Variants in MUSK observed in about 807,000 individuals in gnomAD.
MUSK encodes the protein muscle, skeletal receptor tyrosine-protein kinase.
MUSK carries 55 observed loss-of-function variants against 88.7 expected under a neutral mutation model. The ratio of observed to expected loss-of-function variants is 0.62; its 90% CI spans 0.50 to 0.78. The LOEUF (loss-of-function observed/expected upper bound fraction) is 0.78. MUSK is among the 30% of genes least tolerant of loss of function. The pLI, the probability that MUSK is intolerant of heterozygous loss-of-function variation, is 0.00. For synonymous variants in MUSK, 387 were observed against 391.9 expected (o/e 0.99, Z 0.15); for missense variants, 1,015 against 1,074.3 (o/e 0.94, Z 0.77).
intron 5 of MUSK, among the ~76,000 whole-genome samples, chr9:110,701,454 C>CTTTCT (rs1371783161): frequency 6.6e-6 from 1 of 151,890 alleles, no homozygotes; most frequent in Non-Finnish European, 1.5e-5. Flanking sequence ...TATAATTTCT[C>CTTTCT]TTTCTTTTCT....
intron 5 of MUSK, among the ~76,000 whole-genome samples, chr9:110,711,715 CATT>C (rs764969048): frequency 3.9e-5 from 6 of 152,144 alleles, no homozygotes; most frequent in African/African-American, 1.2e-4. Context: ...ATATGGTTAA[CATT>C]GTTGATGCAC....
At chr9:110,693,272 CCTT>C (rs956727676) in intron 3 of MUSK, among the ~76,000 whole-genome samples, 12 of 152,106 alleles carry the variant, frequency 7.9e-5, no homozygotes, top group African/African-American at 2.9e-4. Flanking sequence ...TCTTTTCTTG[CCTT>C]CTTTTTTCCA....
chr9:110,700,695 A>G (rs1466093923), intron 5 of MUSK, among the ~76,000 whole-genome samples: 2 of 152,216 alleles, frequency 1.3e-5, no homozygotes, highest in Non-Finnish European at 2.9e-5. Flanking sequence ...AAAAATTTGA[A>G]CATACATAAG....
rs2078093837 is a variant in MUSK at position 110,801,199 on chromosome 9, A to G, written c.*211A>G. 2 of 448,712 alleles carry G rather than the reference A, an allele frequency of 4.5e-6. No homozygotes were observed. The highest frequency in any genetic ancestry group is 7.6e-5 in the Admixed American group (2 of 26,266). 27.8% of individuals were successfully genotyped at this position (448,712 alleles called of 1,614,324 possible). On this transcript the variant is annotated 3_prime_UTR_variant, in exon 15 of 15. Coordinates refer to ENST00000374448, the MANE Select transcript of MUSK (RefSeq NM_005592.4). ...AAGCCAGTGATTGGAAACACAGGCTAGGAAATGTGTCAGATAATGGAGACA... is the reference window on the plus strand; with the variant it reads ...AAGCCAGTGATTGGAAACACAGGCTGGGAAATGTGTCAGATAATGGAGACA...
At chr9:110,682,410 C>A (rs953999735) in intron 1 of MUSK, among the ~76,000 whole-genome samples, 5 of 151,666 alleles carry the variant, frequency 3.3e-5, no homozygotes, top group Non-Finnish European at 7.4e-5. Context: ...CAAACTTGGG[C>A]CCCATAAAAC....
chr9:110,757,476 A>AAAAG (rs1253284775), intron 7 of MUSK, among the ~76,000 whole-genome samples: 91 of 151,904 alleles, frequency 6.0e-4, no homozygotes, highest in African/African-American at 2.1e-3. Context: ...AAAAAAAAGA[A>AAAAG]AAAGAAAGAA....
At chr9:110,686,441 A>T (rs988159941) in intron 2 of MUSK, among the ~76,000 whole-genome samples, 4 of 152,194 alleles carry the variant, frequency 2.6e-5, no homozygotes, top group African/African-American at 9.7e-5. Flanking sequence ...CGCATTTGGC[A>T]TAAAAAAACT....
chr9:110,739,809 G>A (rs1489204420), intron 6 of MUSK, among the ~76,000 whole-genome samples: 1 of 152,140 alleles, frequency 6.6e-6, no homozygotes, highest in Non-Finnish European at 1.5e-5. Flanking sequence ...CCTTTGGGTG[G>A]ATTGAGAATG....
intron 7 of MUSK, among the ~76,000 whole-genome samples, chr9:110,757,047 A>G (rs974248811): frequency 9.2e-5 from 14 of 152,194 alleles, no homozygotes; most frequent in Non-Finnish European, 1.8e-4. Context: ...AATTCAGTAC[A>G]TTTATAATAG....
rs1588041972 is a variant in MUSK at position 110,787,561 on chromosome 9, G to A, written c.1779-129G>A. On this transcript the variant is annotated intron_variant, in intron 13 of 14. Transcript: ENST00000374448. ...GTCTTTCTTTGATTCTGTGGCTCTG[G>A]GAAAGGCTGCGTGAGACTTAACCAG... 8.9e-6 allele frequency: 7 copies of A among 787,782 alleles called. No individual in the cohort carries two copies. In the East Asian group the frequency reaches 1.4e-4, roughly 16 times the overall value. The allele number at this position is 787,782 out of a possible 1,614,324, so 48.8% of individuals were successfully genotyped here. A position where few individuals can be genotyped will look rare whatever the true frequency, so the allele number is the denominator to read the frequency against.
rs544119990 is a variant in MUSK at position 110,801,582 on chromosome 9, G to C, written c.*594G>C. On this transcript the variant is annotated 3_prime_UTR_variant, in exon 15 of 15. Transcript: ENST00000374448. ...TGTGGTTACATTTTATTGATAGAGG[G>C]TTTCTAAGGAATGAAACAGCAAATC... 6.6e-6 allele frequency: 1 copy of C among 152,216 alleles called. No homozygotes were observed. Among genetic ancestry groups the C allele is most frequent in the Non-Finnish European group, 1.5e-5 (1 of 68,002 alleles). The allele number at this position is 152,216 out of a possible 1,614,324, so 9.4% of individuals were successfully genotyped here. A position where few individuals can be genotyped will look rare whatever the true frequency, so the allele number is the denominator to read the frequency against.
rs1244089663 is a variant in MUSK at position 110,804,816 on chromosome 9, A to T, written c.*3828A>T. ...AAAACACCAACCAGAGGTAATTAACATTAACATCATAATATTCTTCCAGGC... is the reference window on the plus strand; with the variant it reads ...AAAACACCAACCAGAGGTAATTAACTTTAACATCATAATATTCTTCCAGGC... On this transcript the variant is annotated 3_prime_UTR_variant, in exon 15 of 15. Transcript: ENST00000374448. Among the ~76,000 whole-genome samples, 3 of 152,002 alleles carry T rather than the reference A, an allele frequency of 2.0e-5. No individual in the cohort carries two copies. The highest frequency in any genetic ancestry group is 2.9e-5 in the Non-Finnish European group (2 of 67,854).
intron 3 of MUSK, among the ~76,000 whole-genome samples, chr9:110,694,385 C>CAAAAAA (rs796590211): frequency 1.1e-3 from 55 of 50,586 alleles, no homozygotes; most frequent in African/African-American, 2.0e-3. Flanking sequence ...GACTCCGTCT[C>CAAAAAA]AAAAAAAAAA....
At chr9:110,769,270 T>C (rs1182398752) in intron 9 of MUSK, among the ~76,000 whole-genome samples, 1 of 152,220 alleles carries the variant, frequency 6.6e-6, no homozygotes, top group Non-Finnish European at 1.5e-5. Context: ...CTATTTAGCA[T>C]TCAATAACAA....
chr9:110,693,667 A>C (rs2076388151), intron 3 of MUSK, among the ~76,000 whole-genome samples: 1 of 152,214 alleles, frequency 6.6e-6, no homozygotes, highest in Non-Finnish European at 1.5e-5. Flanking sequence ...ATTTCCCAAA[A>C]GGGAATTCCT....
intron 5 of MUSK, among the ~76,000 whole-genome samples, chr9:110,709,768 G>T (rs1022374527): frequency 6.6e-6 from 1 of 152,000 alleles, no homozygotes; most frequent in Non-Finnish European, 1.5e-5. Flanking sequence ...TATTAATTTT[G>T]GTTCTAGCAA....
At position 110,707,687 on chromosome 9, in the gene MUSK, A is replaced by G. The variant is rs546020263; in HGVS notation, c.628+10221A>G. The stretch of plus-strand genomic sequence containing the variant: ...GGTGGGAAGAGGTGTCTTGGCACCA[A>G]TACAAAACTGCAAATAAGAGCCAGG... On this transcript the variant is annotated intron_variant, in intron 5 of 14. Transcript: ENST00000374448. Among the ~76,000 whole-genome samples, 6 of 152,344 alleles carry G rather than the reference A, an allele frequency of 3.9e-5. No homozygotes were observed. The South Asian group carries it at 1.0e-3, about 26-fold the overall frequency.
intron 7 of MUSK, among the ~76,000 whole-genome samples, chr9:110,751,376 C>G (rs2077245583): frequency 6.6e-6 from 1 of 152,004 alleles, no homozygotes; most frequent in Non-Finnish European, 1.5e-5. Context: ...GAGAGGTCAT[C>G]TTAGATATCA....
intron 7 of MUSK, among the ~76,000 whole-genome samples, chr9:110,760,575 G>A (rs2077383930): frequency 6.6e-6 from 1 of 151,924 alleles, no homozygotes; most frequent in Non-Finnish European, 1.5e-5. Context: ...TAGAGGGTTG[G>A]AGAAAGGAGA....
Sources: gnomAD v4.1 joint callset for allele counts (sites outside exome capture counted in the v4.1 genomes callset) on GRCh38, gnomAD v4.1.1 for gene constraint, MANE v1.5 for transcripts, NCBI Gene and HGNC (gene_info 2026-07-23, HGNC 2026-07-21) for gene names.